Variants in PCSK5 observed in about 807,000 individuals in gnomAD.
PCSK5 encodes prohormone convertase 5.
Under a neutral mutation model 233.2 loss-of-function variants are expected in PCSK5, and 129 were observed. That is an observed-to-expected ratio of 0.55 (90% CI 0.48 to 0.64). The LOEUF (loss-of-function observed/expected upper bound fraction) is 0.64, where lower values mean the gene tolerates loss of function less well. Ranked by LOEUF, PCSK5 falls within the 30% of genes least tolerant of loss-of-function variation. PCSK5 has a pLI of 0.00. For synonymous variants in PCSK5, 825 were observed against 879.2 expected, an observed-to-expected ratio of 0.94 and a Z score of 1.09; for missense variants, 2,076 against 2,430.1, an observed-to-expected ratio of 0.85 and a Z score of 3.06.
chr9:76,324,834 C>T (rs1219137753), intron 32 of PCSK5, among the ~76,000 whole-genome samples: 1 of 152,076 alleles, frequency 6.6e-6, no homozygotes, highest in Non-Finnish European at 1.5e-5. Context: ...TGAGGTCCTT[C>T]ACCCCCACAT....
chr9:75,904,351 A>G (rs1297804295), intron 1 of PCSK5, among the ~76,000 whole-genome samples: 1 of 152,234 alleles, frequency 6.6e-6, no homozygotes. Flanking sequence ...AAGTGAAAGG[A>G]CAACCCACAG....
chr9:75,999,487 A>G (rs1827172351), intron 3 of PCSK5, among the ~76,000 whole-genome samples: 2 of 152,276 alleles, frequency 1.3e-5, no homozygotes, highest in African/African-American at 4.8e-5. Context: ...AACTAAAAGT[A>G]TCCCTTATGG....
intron 1 of PCSK5, among the ~76,000 whole-genome samples, chr9:75,916,401 A>G (rs1419637488): frequency 6.6e-6 from 1 of 152,164 alleles, no homozygotes; most frequent in Non-Finnish European, 1.5e-5. Context: ...TTACTGGGCA[A>G]CCACTCTATC....
intron 24 of PCSK5, among the ~76,000 whole-genome samples, chr9:76,256,626 C>T (rs1826990843): frequency 6.6e-6 from 1 of 152,180 alleles, no homozygotes. Context: ...AAATTACTTC[C>T]TTTTAGTGAA....
At chr9:76,109,566 T>G (rs1832123253) in intron 9 of PCSK5, among the ~76,000 whole-genome samples, 1 of 151,962 alleles carries the variant, frequency 6.6e-6, no homozygotes, top group African/African-American at 2.4e-5. Context: ...AATTGTTTTT[T>G]TTTTTTTTTT....
chr9:75,996,976 G>A (rs1827049038), intron 3 of PCSK5, among the ~76,000 whole-genome samples: 1 of 152,128 alleles, frequency 6.6e-6, no homozygotes, highest in African/African-American at 2.4e-5. Context: ...CAGCTGCTCT[G>A]ATGCCTCATT....
At chr9:76,081,930 C>G (rs1169614757) in intron 7 of PCSK5, among the ~76,000 whole-genome samples, 1 of 152,176 alleles carries the variant, frequency 6.6e-6, no homozygotes, top group East Asian at 1.9e-4. Flanking sequence ...CAGACTTCTA[C>G]TATAGCATAC....
At chr9:75,906,631 C>G (rs1826277122) in intron 1 of PCSK5, among the ~76,000 whole-genome samples, 1 of 152,102 alleles carries the variant, frequency 6.6e-6, no homozygotes, top group African/African-American at 2.4e-5. Flanking sequence ...AAGAGAAGGT[C>G]AGAACAGTGT....
At chr9:75,993,328 G>A (rs923942124) in intron 3 of PCSK5, among the ~76,000 whole-genome samples, 12 of 152,084 alleles carry the variant, frequency 7.9e-5, no homozygotes, top group African/African-American at 2.4e-4. Context: ...ACTGGTCCTA[G>A]CTCTGTGACC....
chr9:76,333,578 T>A (rs912119577), intron 34 of PCSK5, among the ~76,000 whole-genome samples: 1 of 152,208 alleles, frequency 6.6e-6, no homozygotes, highest in African/African-American at 2.4e-5. Context: ...GTTAGTGTTA[T>A]CAGAAGGTCT....
At chr9:76,091,355 T>C (rs957681286) in intron 7 of PCSK5, among the ~76,000 whole-genome samples, 16 of 152,074 alleles carry the variant, frequency 1.1e-4, no homozygotes, top group Admixed American at 2.0e-4. Flanking sequence ...TAGAGAGATC[T>C]GAGCTCTGTT....
Position 76,354,075 on chromosome 9 carries a change from GAA to G in PCSK5, c.5111_5112del (p.Glu1704ValfsTer33). On this transcript the variant is annotated frameshift_variant, in exon 37 of 38. Transcript: ENST00000674117. LOFTEE classifies it high-confidence loss of function. The part of the protein sequence containing the change: ...NCEKCHESCM[E>X]CKGPGAKNCT... ...TGAAAAATGCCACGAGAGCTGCATG[GAA>G]TGCAAGGGACCAGGGGCCAAGAACT... is the stretch of plus-strand genomic sequence containing the variant. 6.2e-7 allele frequency: 1 copy of G among 1,609,850 alleles called. No individual in the cohort carries two copies. Among genetic ancestry groups the G allele is most frequent in the Non-Finnish European group, 8.5e-7 (1 of 1,178,642 alleles).
At chr9:76,035,611 A>AAATTTGTG (rs201626594) in intron 5 of PCSK5, among the ~76,000 whole-genome samples, 15,236 of 152,214 alleles carry the variant, frequency 0.1, 1,017 homozygotes, top group Non-Finnish European at 0.14. Flanking sequence ...TTTCTTATTT[A>AAATTTGTG]AGAAACAGAC....
At chr9:75,969,719 G>A (rs1026265191) in intron 2 of PCSK5, among the ~76,000 whole-genome samples, 37 of 152,174 alleles carry the variant, frequency 2.4e-4, no homozygotes, top group Non-Finnish European at 5.1e-4. Context: ...GCCAAGGACT[G>A]TGCTGAGTAT....
At chr9:75,980,865 C>G (rs545375303) in intron 2 of PCSK5, among the ~76,000 whole-genome samples, 1 of 151,632 alleles carries the variant, frequency 6.6e-6, no homozygotes, top group African/African-American at 2.4e-5. Context: ...AGTACTAAAA[C>G]GTTTTCTTAA....
chr9:76,329,692 G>A (rs1829470405), intron 33 of PCSK5, among the ~76,000 whole-genome samples: 1 of 151,924 alleles, frequency 6.6e-6, no homozygotes, highest in South Asian at 2.1e-4. Context: ...AATTAGCCAG[G>A]TGTGGTGGTG....
chr9:75,905,263 C>T (rs1049510708), intron 1 of PCSK5, among the ~76,000 whole-genome samples: 18 of 152,230 alleles, frequency 1.2e-4, no homozygotes, highest in African/African-American at 4.3e-4. Context: ...AATCCCAACA[C>T]TTTGGGAGGT....
rs1564196508 is a variant in PCSK5, at chr9:76,351,452, GAAAGAAAGAAAGAAA to G, written c.5067+525_5067+539del. On this transcript the variant is annotated intron_variant, in intron 36 of 37. Transcript: ENST00000674117. ...CCCCTGCAATGTGAAAGAAAGGAAAGAAAGAAAGAAAGAAAGAAAGAAAGAAAGAAAGAAAGAAAG... is the reference window on the plus strand; with the variant it reads ...CCCCTGCAATGTGAAAGAAAGGAAAGGAAAGAAAGAAAGAAAGAAAGAAAG... Among the ~76,000 whole-genome samples the G allele has an allele frequency of 1.8e-3, 44 of 25,034 alleles. 7 individuals are homozygous for G. The highest frequency in any genetic ancestry group is 4.5e-3 in the African/African-American group (40 of 8,796). 16.4% of individuals were successfully genotyped at this position (25,034 alleles called of 152,430 possible).
chr9:76,276,061 G>C (rs1827679743), intron 24 of PCSK5, among the ~76,000 whole-genome samples: 1 of 152,098 alleles, frequency 6.6e-6, no homozygotes, highest in South Asian at 2.1e-4. Flanking sequence ...GCTTGGACAA[G>C]GCCGCGGAGT....
Sources: gnomAD v4.1 joint callset for allele counts (sites outside exome capture counted in the v4.1 genomes callset) on GRCh38, gnomAD v4.1.1 for gene constraint, MANE v1.5 for transcripts, NCBI Gene and HGNC (gene_info 2026-07-23, HGNC 2026-07-21) for gene names.